FCHO2: variants seen among roughly 807,000 people sequenced by gnomAD.
FCHO2 encodes F-BAR domain only protein 2.
In FCHO2, 43 loss-of-function variants were observed where a neutral mutation model predicts 114.1. That is an observed-to-expected ratio of 0.38 (90% CI 0.30 to 0.49). The LOEUF (loss-of-function observed/expected upper bound fraction) is 0.49, where lower values mean the gene tolerates loss of function less well. FCHO2 is among the 20% of genes least tolerant of loss of function. FCHO2 has a pLI of 0.97. For missense variants in FCHO2, 807 were observed against 950.4 expected, an observed-to-expected ratio of 0.85 and a Z score of 1.98; for synonymous variants, 293 against 315.2, an observed-to-expected ratio of 0.93 and a Z score of 0.75.
chr5:72,992,543 G>A (rs1753863085), intron 5 of FCHO2, among the ~76,000 whole-genome samples: 1 of 152,120 alleles, frequency 6.6e-6, no homozygotes, highest in African/African-American at 2.4e-5. Context: ...GGGACTAAAA[G>A]CTCCCCTCTT....
At chr5:73,009,376 C>G (rs258893) in intron 6 of FCHO2, among the ~76,000 whole-genome samples, 1 of 152,050 alleles carries the variant, frequency 6.6e-6, no homozygotes, top group African/African-American at 2.4e-5. Flanking sequence ...TTGGAATAAA[C>G]AGAGTTTGCT....
At chr5:73,010,405 T>G (rs1226416209) in intron 6 of FCHO2, among the ~76,000 whole-genome samples, 1 of 152,204 alleles carries the variant, frequency 6.6e-6, no homozygotes, top group African/African-American at 2.4e-5. Flanking sequence ...ATGGCTAGTT[T>G]ATGGAAACTT....
intron 9 of FCHO2, among the ~76,000 whole-genome samples, chr5:73,035,441 C>G (rs557230502): frequency 6.6e-6 from 1 of 152,042 alleles, no homozygotes; most frequent in Admixed American, 6.5e-5. Context: ...AAAAACCCTT[C>G]TTGAATTTCT....
At chr5:73,058,690 C>G (rs1757714185) in intron 17 of FCHO2, among the ~76,000 whole-genome samples, 166 bp downstream of exon 17, 1 of 151,954 alleles carries the variant, frequency 6.6e-6, no homozygotes, top group Admixed American at 6.6e-5. Flanking sequence ...CTCTTAGATA[C>G]TCTATGACTT....
chr5:72,991,088 G>A (rs1753785854), intron 5 of FCHO2, among the ~76,000 whole-genome samples: 1 of 152,156 alleles, frequency 6.6e-6, no homozygotes, highest in South Asian at 2.1e-4. Context: ...ATTTGAGACG[G>A]AGTTTTGCTC....
chr5:73,051,064 G>A, intron 11 of FCHO2: 2 of 313,938 alleles, frequency 6.4e-6, no homozygotes, highest in Non-Finnish European at 1.2e-5. Flanking sequence ...TGAGCAATCT[G>A]AATTGGTCCC....
chr5:73,090,209 G>A lies in FCHO2; in HGVS notation c.*2119G>A, dbSNP rs1214345356. The stretch of plus-strand genomic sequence containing the variant: ...TTTTGAAGCCATATGAGTTTATATT[G>A]ATTTTTTTTTTCCATTTAAAAATCC... On this transcript the variant is annotated 3_prime_UTR_variant, in exon 26 of 26. Transcript: ENST00000430046. The A allele has an allele frequency of 6.6e-6, 1 of 152,324 alleles. No individual in the cohort carries two copies. Among genetic ancestry groups the A allele is most frequent in the Non-Finnish European group, 1.5e-5 (1 of 67,948 alleles). The allele number at this position is 152,324 out of a possible 1,614,324, so 9.4% of individuals were successfully genotyped here.
intron 8 of FCHO2, among the ~76,000 whole-genome samples, chr5:73,027,777 AAT>A (rs1300488644): frequency 6.6e-6 from 1 of 152,170 alleles, no homozygotes; most frequent in African/African-American, 2.4e-5. Context: ...ACTTCCTAAA[AAT>A]ATATATATTT....
chr5:72,993,260 C>A (rs1753905310), intron 5 of FCHO2, among the ~76,000 whole-genome samples: 1 of 151,488 alleles, frequency 6.6e-6, no homozygotes, highest in Non-Finnish European at 1.5e-5. Context: ...AGTTATTGAA[C>A]TTTTTAAAAA....
intron 18 of FCHO2, among the ~76,000 whole-genome samples, chr5:73,065,290 A>AT (rs140369217): frequency 0.12 from 18,157 of 151,460 alleles, 1,307 homozygotes; most frequent in Non-Finnish European, 0.17. Flanking sequence ...TAATAAATTG[A>AT]TTTTTTTTTC....
intron 2 of FCHO2, 141 bp from the exon 3 acceptor site, chr5:72,989,286 A>G: frequency 1.7e-6 from 1 of 596,212 alleles, no homozygotes; most frequent in East Asian, 2.8e-5. Context: ...CCGGAAATTC[A>G]TGACTACATA....
At chr5:73,052,701 A>T in intron 13 of FCHO2, 194 bp downstream of exon 13, 1 of 520,792 alleles carries the variant, frequency 1.9e-6, no homozygotes, top group South Asian at 3.0e-5. Context: ...TGAAAATGTC[A>T]AAAATTTACT....
chr5:73,001,268 C>G (rs1035399831), intron 5 of FCHO2, among the ~76,000 whole-genome samples: 1 of 151,450 alleles, frequency 6.6e-6, no homozygotes, highest in Non-Finnish European at 1.5e-5. Flanking sequence ...AGTGTGAGAT[C>G]GCACCATTGC....
At chr5:73,013,955 A>C (rs562666960) in intron 6 of FCHO2, among the ~76,000 whole-genome samples, 23 of 152,180 alleles carry the variant, frequency 1.5e-4, no homozygotes, top group Non-Finnish European at 3.2e-4. Context: ...AAGTGCTGGA[A>C]TTACAGGTGT....
At chr5:73,019,195 T>G (rs2112751997) in intron 8 of FCHO2, among the ~76,000 whole-genome samples, 1 of 152,268 alleles carries the variant, frequency 6.6e-6, no homozygotes, top group South Asian at 2.1e-4. Flanking sequence ...GCTTTGGACA[T>G]GTATTAGGAG....
At chr5:73,011,095 A>G (rs774777115) in intron 6 of FCHO2, among the ~76,000 whole-genome samples, 2 of 152,130 alleles carry the variant, frequency 1.3e-5, no homozygotes, top group African/African-American at 2.4e-5. Flanking sequence ...AGTATAAAAG[A>G]TTAAAAATGC....
intron 12 of FCHO2, among the ~76,000 whole-genome samples, chr5:73,052,003 A>C (rs1002574628): frequency 6.6e-6 from 1 of 152,116 alleles, no homozygotes; most frequent in Non-Finnish European, 1.5e-5. Context: ...GGCTCACTGC[A>C]GCCTCCTACT....
chr5:72,965,021 G>T (rs1272873547), intron 1 of FCHO2, among the ~76,000 whole-genome samples: 24 of 151,806 alleles, frequency 1.6e-4, no homozygotes, highest in Admixed American at 1.6e-3. Flanking sequence ...AAAAAACAGT[G>T]TATAAAGGGT....
chr5:73,050,865 G>A (rs1315648259), intron 11 of FCHO2, among the ~76,000 whole-genome samples: 1 of 152,158 alleles, frequency 6.6e-6, no homozygotes, highest in East Asian at 1.9e-4. Context: ...CATGTTGGCA[G>A]ACATTGATGG....
Sources: gnomAD v4.1 joint callset for allele counts (sites outside exome capture counted in the v4.1 genomes callset) on GRCh38, gnomAD v4.1.1 for gene constraint, MANE v1.5 for transcripts, NCBI Gene and HGNC (gene_info 2026-07-23, HGNC 2026-07-21) for gene names.